AGBL4: variants seen among roughly 807,000 people sequenced by gnomAD.
AGBL4 encodes the protein cytosolic carboxypeptidase 6.
AGBL4 carries 58 observed loss-of-function variants against 66.4 expected under a neutral mutation model. The ratio of observed to expected loss-of-function variants is 0.87; its 90% CI spans 0.71 to 1.09. The LOEUF is 1.09. AGBL4 is among the 50% of genes least tolerant of loss of function. AGBL4 has a pLI of 0.00. For synonymous variants in AGBL4, 234 were observed against 222.9 expected (o/e 1.05, Z -0.44); for missense variants, 579 against 631.0 (o/e 0.92, Z 0.88).
chr1:48,867,467 A>T (rs943904600), intron 5 of AGBL4, among the ~76,000 whole-genome samples: 15 of 68,692 alleles, frequency 2.2e-4, no homozygotes, highest in South Asian at 7.3e-4. Flanking sequence ...GAGGTCTCTC[A>T]GACAAATTAT....
chr1:49,331,478 A>C (rs1194054350), intron 3 of AGBL4, among the ~76,000 whole-genome samples: 1 of 152,098 alleles, frequency 6.6e-6, no homozygotes, highest in African/African-American at 2.4e-5. Context: ...GGAGAGTCCA[A>C]ATAGTACAGA....
intron 4 of AGBL4, among the ~76,000 whole-genome samples, chr1:49,177,059 C>T (rs1427707974): frequency 6.6e-6 from 1 of 152,130 alleles, no homozygotes; most frequent in Non-Finnish European, 1.5e-5. Context: ...TCCAAACAAT[C>T]TGGCCACTAG....
chr1:49,874,015 G>A lies in AGBL4; in HGVS notation c.35-22497C>T, dbSNP rs181556863. ...ACTGTAATGACACCAAAAATAGCAT[G>A]GACATCAGGGTAGACATAAACCAGT... On this transcript the variant is annotated intron_variant, in intron 1 of 13. Transcript: ENST00000371839. Among the ~76,000 whole-genome samples, 14 of 152,130 alleles carry A rather than the reference G, an allele frequency of 9.2e-5. No homozygotes were observed. In the East Asian group the frequency reaches 2.5e-3, roughly 27 times the overall value.
chr1:49,645,921 A>C (rs1645878855), intron 3 of AGBL4, among the ~76,000 whole-genome samples: 1 of 151,564 alleles, frequency 6.6e-6, no homozygotes, highest in African/African-American at 2.4e-5. Flanking sequence ...AGAAAAAAAA[A>C]CCCATATGAT....
intron 3 of AGBL4, among the ~76,000 whole-genome samples, chr1:49,409,413 A>T (rs1459432694): frequency 1.3e-5 from 2 of 152,164 alleles, no homozygotes; most frequent in Non-Finnish European, 2.9e-5. Context: ...GAGTCAGAGA[A>T]ATGAGACACT....
At chr1:49,880,031 T>A (rs1247668912) in intron 1 of AGBL4, among the ~76,000 whole-genome samples, 1 of 151,432 alleles carries the variant, frequency 6.6e-6, no homozygotes. Context: ...TAAGCACTTC[T>A]CTGTATTGGT....
At chr1:48,620,448 A>AT (rs1233407767) in intron 9 of AGBL4, among the ~76,000 whole-genome samples, 3 of 151,652 alleles carry the variant, frequency 2.0e-5, no homozygotes, top group South Asian at 2.1e-4. Flanking sequence ...GGCTTTTAAA[A>AT]TTTTTTTTGT....
At chr1:49,993,296 A>G (rs933898282) in intron 1 of AGBL4, among the ~76,000 whole-genome samples, 7 of 152,234 alleles carry the variant, frequency 4.6e-5, no homozygotes, top group African/African-American at 1.7e-4. Flanking sequence ...TCTACTGGAC[A>G]TTGTTGAGAT....
chr1:49,284,592 C>G (rs1013246048), intron 3 of AGBL4, among the ~76,000 whole-genome samples: 36 of 152,140 alleles, frequency 2.4e-4, no homozygotes, highest in Non-Finnish European at 2.8e-4. Flanking sequence ...TGGATAAAGA[C>G]TCAAGATCCA....
intron 2 of AGBL4, among the ~76,000 whole-genome samples, chr1:49,720,156 A>G (rs1648489135): frequency 6.6e-6 from 1 of 152,116 alleles, no homozygotes; most frequent in African/African-American, 2.4e-5. Flanking sequence ...TTATAGGTTG[A>G]GCATCCCAAA....
At chr1:48,539,528 TTTC>T (rs1644028165) in intron 12 of AGBL4, 111 bp downstream of exon 12, 1 of 786,596 alleles carries the variant, frequency 1.3e-6, no homozygotes, top group South Asian at 3.1e-5. Flanking sequence ...CAGGATTATC[TTTC>T]CTGCGGCACA....
At chr1:49,720,748 C>T (rs1223571682) in intron 2 of AGBL4, among the ~76,000 whole-genome samples, 1 of 151,972 alleles carries the variant, frequency 6.6e-6, no homozygotes, top group Non-Finnish European at 1.5e-5. Context: ...ATAAAAGAAG[C>T]TATTAATCAA....
chr1:49,350,130 A>G (rs1170629445), intron 3 of AGBL4, among the ~76,000 whole-genome samples: 1 of 152,114 alleles, frequency 6.6e-6, no homozygotes, highest in Non-Finnish European at 1.5e-5. Flanking sequence ...TCTGTGTCAC[A>G]GTGTTTGGCA....
intron 2 of AGBL4, among the ~76,000 whole-genome samples, chr1:49,712,976 T>C (rs1191692730): frequency 6.6e-6 from 1 of 152,038 alleles, no homozygotes; most frequent in African/African-American, 2.4e-5. Context: ...CTATTAGTAG[T>C]AGCATACATT....
chr1:49,116,194 T>C (rs1178209828), intron 4 of AGBL4, among the ~76,000 whole-genome samples: 2 of 152,058 alleles, frequency 1.3e-5, no homozygotes, highest in East Asian at 3.9e-4. Context: ...TGTGCCAGAG[T>C]TTAATTGGCA....
chr1:49,262,231 A>G (rs1653250547), intron 3 of AGBL4, among the ~76,000 whole-genome samples: 1 of 152,212 alleles, frequency 6.6e-6, no homozygotes, highest in South Asian at 2.1e-4. Context: ...AGGCATTACC[A>G]TTCAGGACAT....
intron 6 of AGBL4, among the ~76,000 whole-genome samples, chr1:48,678,934 T>C (rs1379269475): frequency 6.6e-6 from 1 of 152,230 alleles, no homozygotes; most frequent in African/African-American, 2.4e-5. Flanking sequence ...AAACTTTCTG[T>C]TTGAGAAAAT....
chr1:48,935,994 A>AAAAAAAAAAAAG, intron 5 of AGBL4, among the ~76,000 whole-genome samples: 1 of 137,030 alleles, frequency 7.3e-6, no homozygotes, highest in Non-Finnish European at 1.6e-5. Flanking sequence ...AAAAAAAAAA[A>AAAAAAAAAAAAG]AGATACAAGA....
At chr1:48,527,026 A>G in the AGBL4 span, among the ~76,000 whole-genome samples, 1 of 152,156 alleles carries the variant, frequency 6.6e-6, no homozygotes, top group Non-Finnish European at 1.5e-5. Context: ...AAAGGAAGCC[A>G]TAGAGGAAAT....
Sources: gnomAD v4.1 joint callset for allele counts (sites outside exome capture counted in the v4.1 genomes callset) on GRCh38, gnomAD v4.1.1 for gene constraint, MANE v1.5 for transcripts, NCBI Gene and HGNC (gene_info 2026-07-23, HGNC 2026-07-21) for gene names.